The following SCN9A variants were observed in gnomAD, a reference collection of about 807,000 sequenced individuals.
SCN9A encodes sodium voltage-gated channel alpha subunit 9.
Under a neutral mutation model 187.0 loss-of-function variants are expected in SCN9A, and 131 were observed. That is an observed-to-expected ratio of 0.70 (90% CI 0.61 to 0.81). The LOEUF (loss-of-function observed/expected upper bound fraction) is 0.81. Ranked by LOEUF, SCN9A falls within the 30% of genes least tolerant of loss-of-function variation. The pLI is 0.00. For missense variants in SCN9A, 2,252 were observed against 2,396.6 expected, an observed-to-expected ratio of 0.94 and a Z score of 1.26; for synonymous variants, 809 against 808.6, an observed-to-expected ratio of 1.00 and a Z score of -0.01.
intron 1 of SCN9A, among the ~76,000 whole-genome samples, chr2:166,349,633 A>G (rs1438162749): frequency 6.6e-6 from 1 of 152,192 alleles, no homozygotes. Context: ...AACCCTAAGT[A>G]GACTATAAGG....
At position 166,293,234 on chromosome 2, in the gene SCN9A, T is replaced by C. The variant is rs1165615621; in HGVS notation, c.1104A>G (p.Gln368=). The C allele has an allele frequency of 1.3e-6, 2 of 1,580,140 alleles. No homozygotes were observed. Among genetic ancestry groups the C allele is most frequent in the East Asian group, 4.6e-5 (2 of 43,848 alleles). The change falls in exon 9 of 27, where the codon CAA becomes CAG. Residue 368 remains glutamine, a synonymous_variant. Transcript: ENST00000642356. ...MTQDYWENLY[Q]QTLRAAGKTY... The stretch of plus-strand genomic sequence containing the variant: ...GCATGTTTCTCTTGGTACTCACCTG[T>C]TGGTAAAGGTTTTCCCAGTAATCTT...
At chr2:166,230,771 T>G (rs920780343) in intron 21 of SCN9A, among the ~76,000 whole-genome samples, 4 of 152,170 alleles carry the variant, frequency 2.6e-5, no homozygotes, top group Non-Finnish European at 1.5e-5. Flanking sequence ...CACTGTACTC[T>G]GTGTTTTTTA....
chr2:166,239,074 G>A (rs1479649524), intron 19 of SCN9A, among the ~76,000 whole-genome samples: 2 of 152,142 alleles, frequency 1.3e-5, no homozygotes, highest in East Asian at 3.9e-4. Context: ...ACAACACAGT[G>A]AAAGGACAGG....
chr2:166,312,183 C>A lies in SCN9A; in HGVS notation c.-50-377G>T, dbSNP rs148819190. ...GCCTTTGGTAGCACCACTCTCCAGC[C>A]TGATGCTGTTTTACCAACTAAACTT... is the stretch of plus-strand genomic sequence containing the variant. On this transcript the variant is annotated intron_variant, in intron 1 of 26. Coordinates refer to ENST00000642356, the MANE Select transcript of SCN9A (RefSeq NM_001365536.1). Among the ~76,000 whole-genome samples, 90 of 152,280 alleles carry A rather than the reference C, an allele frequency of 5.9e-4. 1 individual carries two copies. The East Asian group carries it at 8.7e-3, about 15-fold the overall frequency.
chr2:166,271,071 A>G (rs1222159498), intron 17 of SCN9A, among the ~76,000 whole-genome samples: 1 of 152,086 alleles, frequency 6.6e-6, no homozygotes, highest in Non-Finnish European at 1.5e-5. Flanking sequence ...AGAGGAGGGC[A>G]CAAAAAAAGG....
chr2:166,233,180 CAT>C (rs1695168332), intron 21 of SCN9A, among the ~76,000 whole-genome samples, 158 bp downstream of exon 21: 1 of 105,248 alleles, frequency 9.5e-6, no homozygotes, highest in East Asian at 3.0e-4. Context: ...TGCATATATA[CAT>C]ATATGCATAT....
intron 1 of SCN9A, among the ~76,000 whole-genome samples, chr2:166,336,129 T>C (rs1699621034): frequency 1.3e-5 from 2 of 152,088 alleles, no homozygotes; most frequent in Admixed American, 1.3e-4. Context: ...ACAATTGTAA[T>C]TGTAATTTTC....
chr2:166,335,451 G>A (rs918416637), intron 1 of SCN9A, among the ~76,000 whole-genome samples: 5 of 152,156 alleles, frequency 3.3e-5, no homozygotes, highest in Non-Finnish European at 5.9e-5. Context: ...AATGTGCAGA[G>A]TGTTTAGAGA....
Position 166,284,552 on chromosome 2 carries a change from G to T in SCN9A, c.1875C>A (p.Asn625Lys), listed in dbSNP as rs1168052072. Reference protein sequence around the residue: ...NGKMHSAVDCNGVVSLVDGRS... With the variant: ...NGKMHSAVDCKGVVSLVDGRS... ...GTCCATCAACCAGGGAGACCACACC[G>T]TTGCAGTCCACAGCACTGTGCATTT... Residue 625 changes from asparagine (N) to lysine (K), a missense_variant, in exon 12 of 27, where the codon AAC becomes AAA. This residue lies in a region of SCN9A where 1,013 missense variants were observed against 997.4 expected (regional missense o/e 1.02). Transcript: ENST00000642356. 1 of 1,614,124 alleles carries T rather than the reference G, an allele frequency of 6.2e-7. No homozygotes were observed.
chr2:166,329,599 G>C (rs550927757), intron 1 of SCN9A, among the ~76,000 whole-genome samples: 9 of 151,878 alleles, frequency 5.9e-5, no homozygotes, highest in African/African-American at 1.9e-4. Context: ...TTGGAGGTAA[G>C]AGCAACAAAT....
At chr2:166,241,318 T>C (rs1574787372) in intron 19 of SCN9A, among the ~76,000 whole-genome samples, 1 of 152,120 alleles carries the variant, frequency 6.6e-6, no homozygotes, top group South Asian at 2.1e-4. Context: ...AAGAAAAAGG[T>C]TCAGGTAGCT....
intron 20 of SCN9A, among the ~76,000 whole-genome samples, chr2:166,237,605 A>G (rs1198723359): frequency 3.9e-5 from 6 of 152,044 alleles, no homozygotes; most frequent in Non-Finnish European, 8.8e-5. Flanking sequence ...TACAAAGTTA[A>G]CTTTGTATTT....
Position 166,345,805 on chromosome 2 carries a change from T to A in SCN9A, c.-51+29892A>T, listed in dbSNP as rs559707544. ...CCCCAAATAAAATAAACGGGGCCTATGCTATATCTTTTTATTTTCATCCCA... is the reference window on the plus strand; with the variant it reads ...CCCCAAATAAAATAAACGGGGCCTAAGCTATATCTTTTTATTTTCATCCCA... On this transcript the variant is annotated intron_variant, in intron 1 of 26. Coordinates refer to ENST00000642356, the MANE Select transcript of SCN9A (RefSeq NM_001365536.1). Among the ~76,000 whole-genome samples the A allele has an allele frequency of 1.6e-4, 25 of 152,302 alleles. 1 individual carries two copies. Among genetic ancestry groups the A allele is most frequent in the African/African-American group, 5.8e-4 (24 of 41,580 alleles).
chr2:166,329,440 A>G (rs746420496), intron 1 of SCN9A, among the ~76,000 whole-genome samples: 3 of 152,102 alleles, frequency 2.0e-5, no homozygotes, highest in Non-Finnish European at 2.9e-5. Context: ...TTTATTGTGT[A>G]TATTTAAGGT....
chr2:166,297,974 G>GAA (rs74774744), intron 7 of SCN9A, among the ~76,000 whole-genome samples: 4 of 150,478 alleles, frequency 2.7e-5, no homozygotes, highest in East Asian at 3.9e-4. Context: ...TAGCAAAATA[G>GAA]AAAAAAAAAT....
intron 24 of SCN9A, among the ~76,000 whole-genome samples, chr2:166,219,820 C>CA (rs1694504949): frequency 6.6e-6 from 1 of 151,912 alleles, no homozygotes; most frequent in Admixed American, 6.6e-5. Flanking sequence ...TTTCTTACCA[C>CA]AAAAAAATGA....
At chr2:166,291,307 T>C (rs1488916729) in intron 9 of SCN9A, among the ~76,000 whole-genome samples, 3 of 152,098 alleles carry the variant, frequency 2.0e-5, no homozygotes, top group Non-Finnish European at 4.4e-5. Context: ...AGCCAAATCA[T>C]GAATAAACTC....
intron 5 of SCN9A, among the ~76,000 whole-genome samples, chr2:166,305,034 G>T (rs1472113629): frequency 1.3e-5 from 2 of 152,044 alleles, no homozygotes; most frequent in Admixed American, 1.3e-4. Flanking sequence ...GACCTCAAAA[G>T]GAGGGAGCCT....
At chr2:166,239,059 G>A (rs1263360145) in intron 19 of SCN9A, among the ~76,000 whole-genome samples, 1 of 152,012 alleles carries the variant, frequency 6.6e-6, no homozygotes, top group Non-Finnish European at 1.5e-5. Flanking sequence ...TCTGTCTGAG[G>A]AGCCACAACA....
Sources: allele counts gnomAD v4.1 joint callset (sites outside exome capture counted in the v4.1 genomes callset), GRCh38; gene constraint gnomAD v4.1.1; regional missense constraint gnomAD v4.1.1; transcripts MANE v1.5; gene names NCBI Gene and HGNC (gene_info 2026-07-23, HGNC 2026-07-21).